TES: variants seen among roughly 807,000 people sequenced by gnomAD.
The protein encoded by TES is testin.
Under a neutral mutation model 48.2 loss-of-function variants are expected in TES, and 41 were observed. The observed-to-expected ratio is 0.85, with a 90% confidence interval of 0.66 to 1.10. The LOEUF (loss-of-function observed/expected upper bound fraction) is 1.10, where lower values mean the gene tolerates loss of function less well. TES is among the 50% of genes least tolerant of loss of function. The pLI is 0.00. For missense variants in TES, 463 were observed against 515.1 expected (o/e 0.90, Z 0.98); for synonymous variants, 162 against 174.9 (o/e 0.93, Z 0.58).
chr7:116,252,139 T>C (rs953990549), intron 5 of TES, among the ~76,000 whole-genome samples, 164 bp downstream of exon 5: 4 of 152,346 alleles, frequency 2.6e-5, no homozygotes, highest in South Asian at 2.1e-4. Flanking sequence ...TCTGTGTTAA[T>C]TGGGTTGACA....
At chr7:116,249,597 G>A (rs1799974848) in intron 3 of TES, 1 of 229,462 alleles carries the variant, frequency 4.4e-6, no homozygotes, top group South Asian at 1.1e-4. Context: ...AGATGGTAAA[G>A]AAGAGAATTT....
At chr7:116,247,918 G>C (rs1180523897) in intron 2 of TES, among the ~76,000 whole-genome samples, 1 of 152,054 alleles carries the variant, frequency 6.6e-6, no homozygotes, top group African/African-American at 2.4e-5. Flanking sequence ...CATCACCCAG[G>C]TAGTGACCAT....
intron 1 of TES, among the ~76,000 whole-genome samples, chr7:116,224,342 A>G (rs73719139): frequency 0.12 from 18,313 of 152,204 alleles, 1,110 homozygotes; most frequent in South Asian, 0.19. Context: ...GAGGTGTTCC[A>G]TTATGAATCT....
chr7:116,230,673 T>C (rs2116591031), intron 1 of TES, among the ~76,000 whole-genome samples: 1 of 152,298 alleles, frequency 6.6e-6, no homozygotes, highest in Middle Eastern at 3.4e-3. Context: ...CATTGAATGC[T>C]TCAAGAGGTT....
At position 116,210,620 on chromosome 7, in the gene TES, C is replaced by A. The variant is rs1453129745; in HGVS notation, c.-88C>A. The stretch of plus-strand genomic sequence containing the variant: ...GGCGCCGCGGGAGTTCCGCAGGTTT[C>A]CCGTGTTCGCAGCGGAGCCGGAGGC... On this transcript the variant is annotated 5_prime_UTR_variant, in exon 1 of 7. Transcript: ENST00000358204. 2.4e-6 allele frequency: 3 copies of A among 1,259,168 alleles called. No individual in the cohort carries two copies. Among genetic ancestry groups the A allele is most frequent in the Admixed American group, 8.0e-5 (2 of 24,916 alleles). 78.0% of individuals were successfully genotyped at this position (1,259,168 alleles called of 1,614,324 possible). A position where few individuals can be genotyped will look rare whatever the true frequency, so the allele number is the denominator to read the frequency against.
chr7:116,246,109 G>A (rs1253634487), intron 2 of TES, among the ~76,000 whole-genome samples: 1 of 152,098 alleles, frequency 6.6e-6, no homozygotes, highest in African/African-American at 2.4e-5. Context: ...CCTTCCCTTT[G>A]CCATCACTAT....
chr7:116,246,731 C>G (rs1799927708), intron 2 of TES, among the ~76,000 whole-genome samples: 1 of 152,164 alleles, frequency 6.6e-6, no homozygotes, highest in Non-Finnish European at 1.5e-5. Flanking sequence ...ACAGTTTACA[C>G]CTATGTTTCA....
chr7:116,248,889 C>A, intron 2 of TES, 131 bp from the exon 3 acceptor site: 1 of 896,800 alleles, frequency 1.1e-6, no homozygotes, highest in South Asian at 2.5e-5. Context: ...ATTCTCCCTC[C>A]TAAAAAAGGA....
chr7:116,257,054 A>G (rs1800109818), intron 6 of TES, among the ~76,000 whole-genome samples: 1 of 152,214 alleles, frequency 6.6e-6, no homozygotes, highest in Non-Finnish European at 1.5e-5. Context: ...CCATGAAGTT[A>G]TCTTACATGC....
chr7:116,238,191 C>G (rs1799798670), intron 2 of TES: 1 of 152,198 alleles, frequency 6.6e-6, no homozygotes, highest in African/African-American at 2.4e-5. Flanking sequence ...TGTCCCATTG[C>G]CAGTGACAAG....
chr7:116,226,207 T>C (rs1490465844), intron 1 of TES, among the ~76,000 whole-genome samples: 1 of 152,238 alleles, frequency 6.6e-6, no homozygotes, highest in African/African-American at 2.4e-5. Context: ...CTAGCACTAT[T>C]GTAAATCTCA....
At chr7:116,248,882 C>A in intron 2 of TES, 138 bp from the exon 3 acceptor site, 4 of 770,140 alleles carry the variant, frequency 5.2e-6, no homozygotes, top group Non-Finnish European at 5.8e-6. Context: ...GATACTTATT[C>A]TCCCTCCTAA....
chr7:116,210,883 T>C (rs1866961), intron 1 of TES, 149 bp downstream of exon 1: 347,499 of 598,924 alleles, frequency 0.58, 103,105 homozygotes, highest in East Asian at 0.88. Flanking sequence ...CCCAGGGACC[T>C]GGCCCCCTGG....
chr7:116,241,184 G>A (rs570440047), intron 2 of TES, among the ~76,000 whole-genome samples: 3 of 152,052 alleles, frequency 2.0e-5, no homozygotes, highest in Non-Finnish European at 4.4e-5. Flanking sequence ...TAAATGTATT[G>A]GATTGCTTCC....
At chr7:116,252,056 T>C in intron 5 of TES, 81 bp downstream of exon 5, 2 of 1,400,632 alleles carry the variant, frequency 1.4e-6, no homozygotes. Flanking sequence ...CAACAAGACT[T>C]GACCAAACAG....
intron 2 of TES, among the ~76,000 whole-genome samples, chr7:116,240,648 A>G (rs373620119): frequency 6.6e-6 from 1 of 152,194 alleles, no homozygotes; most frequent in Non-Finnish European, 1.5e-5. Context: ...TAAAAGAATC[A>G]TGAAAAAGAC....
intron 2 of TES, chr7:116,238,026 T>A (rs1799796172): frequency 6.6e-6 from 1 of 152,280 alleles, no homozygotes; most frequent in Admixed American, 6.5e-5. Context: ...GGAAACACAG[T>A]TCAGCCCACA....
intron 2 of TES, among the ~76,000 whole-genome samples, chr7:116,237,228 C>G (rs376258398): frequency 6.6e-6 from 1 of 152,252 alleles, no homozygotes; most frequent in Non-Finnish European, 1.5e-5. Flanking sequence ...CATGGTGATC[C>G]TTGACTTAGG....
At position 116,252,211 on chromosome 7, in the gene TES, A is replaced by G. The variant is rs1158805979; in HGVS notation, c.919-107A>G. ...TAAACTAAGTGATAGCATAAGTTCA[A>G]GCTTTAGGTTATCATTTTCAAACTT... On this transcript the variant is annotated intron_variant, in intron 5 of 6. Coordinates refer to ENST00000358204, the MANE Select transcript of TES (RefSeq NM_015641.4). 4 of 1,257,034 alleles carry G rather than the reference A, an allele frequency of 3.2e-6. No individual in the cohort carries two copies. The South Asian group carries it at 6.4e-5, about 20-fold the overall frequency. The allele number at this position is 1,257,034 out of a possible 1,614,324, so 77.9% of individuals were successfully genotyped here. A position where few individuals can be genotyped will look rare whatever the true frequency, so the allele number is the denominator to read the frequency against.
Sources: gnomAD v4.1 joint callset for allele counts (sites outside exome capture counted in the v4.1 genomes callset) on GRCh38, gnomAD v4.1.1 for gene constraint, MANE v1.5 for transcripts, NCBI Gene and HGNC (gene_info 2026-07-23, HGNC 2026-07-21) for gene names.